CEP135: variants seen among roughly 807,000 people sequenced by gnomAD.
The protein encoded by CEP135 is centrosomal protein 135, also known as centrosomal protein of 135 kDa.
In CEP135, 142 loss-of-function variants were observed where a neutral mutation model predicts 157.3. The ratio of observed to expected loss-of-function variants is 0.90; its 90% CI spans 0.79 to 1.04. The LOEUF (loss-of-function observed/expected upper bound fraction) is 1.04. Among genes scored for constraint, CEP135 ranks in the 50% least tolerant of loss-of-function variants. The pLI is 0.00. For synonymous variants in CEP135, 396 were observed against 439.8 expected (o/e 0.90, Z 1.25); for missense variants, 1,317 against 1,309.2 (o/e 1.01, Z -0.09).
At chr4:55,954,677 T>G (rs1213827875) in intron 4 of CEP135, among the ~76,000 whole-genome samples, 2 of 152,182 alleles carry the variant, frequency 1.3e-5, no homozygotes, top group Non-Finnish European at 2.9e-5. Context: ...TTATTATCAT[T>G]ATTATTTTAG....
intron 17 of CEP135, among the ~76,000 whole-genome samples, chr4:56,006,345 C>G (rs1730345923): frequency 6.6e-6 from 1 of 152,168 alleles, no homozygotes; most frequent in Non-Finnish European, 1.5e-5. Flanking sequence ...CTTGCCTTTG[C>G]TTGATCCATT....
At chr4:56,012,741 A>G (rs971608612) in intron 21 of CEP135, among the ~76,000 whole-genome samples, 8 of 152,244 alleles carry the variant, frequency 5.3e-5, no homozygotes, top group African/African-American at 1.9e-4. Context: ...TTAAGGCTGA[A>G]TAACATTTCA....
At chr4:56,011,770 T>G (rs768353133) in intron 20 of CEP135, 30 bp from the exon 21 acceptor site, 1 of 1,533,564 alleles carries the variant, frequency 6.5e-7, no homozygotes, top group Non-Finnish European at 8.8e-7. Context: ...AATTACTAAT[T>G]TAGAAACAAT....
At chr4:56,024,641 A>C (rs1176895453) in intron 25 of CEP135, 27 bp downstream of exon 25, 1 of 1,413,410 alleles carries the variant, frequency 7.1e-7, no homozygotes, top group African/African-American at 1.4e-5. Context: ...AAGGACAGGC[A>C]AAACTAATCT....
intron 10 of CEP135, among the ~76,000 whole-genome samples, chr4:55,973,389 C>T (rs1225904604): frequency 6.6e-6 from 1 of 152,204 alleles, no homozygotes; most frequent in Non-Finnish European, 1.5e-5. Flanking sequence ...CATTTCCCAC[C>T]TTCATTCTGA....
chr4:55,999,671 C>T, intron 17 of CEP135, 26 bp downstream of exon 17: 1 of 1,574,946 alleles, frequency 6.3e-7, no homozygotes, highest in Non-Finnish European at 8.6e-7. Context: ...ATGTAATTTT[C>T]CAGCATCCAA....
chr4:55,961,392 C>CT (rs945782767), intron 6 of CEP135, among the ~76,000 whole-genome samples: 1 of 152,102 alleles, frequency 6.6e-6, no homozygotes, highest in African/African-American at 2.4e-5. Context: ...AGTTATTTGT[C>CT]TTTTTTTGCT....
At chr4:56,028,851 C>G (rs1334588309) in intron 25 of CEP135, among the ~76,000 whole-genome samples, 1 of 152,196 alleles carries the variant, frequency 6.6e-6, no homozygotes, top group Non-Finnish European at 1.5e-5. Context: ...TAACATTTAA[C>G]TCAATTCTGA....
chr4:56,001,068 A>G (rs1405981389), intron 17 of CEP135, among the ~76,000 whole-genome samples: 1 of 152,096 alleles, frequency 6.6e-6, no homozygotes, highest in Non-Finnish European at 1.5e-5. Context: ...AGAACTGTCT[A>G]TGAAAATCTT....
At chr4:55,953,364 T>A in intron 3 of CEP135, 89 bp downstream of exon 3, 2 of 1,019,568 alleles carry the variant, frequency 2.0e-6, no homozygotes, top group South Asian at 1.9e-5. Flanking sequence ...TTAAAACTAT[T>A]GATTAGAAAA....
chr4:56,003,032 T>C (rs575786756), intron 17 of CEP135, among the ~76,000 whole-genome samples: 28 of 152,298 alleles, frequency 1.8e-4, no homozygotes, highest in African/African-American at 6.3e-4. Context: ...TTGTCTTTCA[T>C]GATTCCTTGT....
intron 18 of CEP135, 31 bp from the exon 19 acceptor site, chr4:56,009,704 C>A (rs375605888): frequency 2.5e-6 from 4 of 1,572,260 alleles, no homozygotes; most frequent in Non-Finnish European, 3.4e-6. Context: ...TAAAAGTTTT[C>A]TTTATTAGTT....
In CEP135 at chr4:56,029,630, GTATATAGCC is replaced by G. The variant is rs143456482; in HGVS notation, c.*12-1727_*12-1719del. 6.4e-3 allele frequency among the ~76,000 whole-genome samples: 977 copies of G among 152,190 alleles called. 12 individuals carry two copies. The highest frequency in any genetic ancestry group is 0.023 in the African/African-American group (940 of 41,512). Reference sequence around the variant, plus strand: ...GTATGTACTTACACAAACCTAGATGGTATATAGCCTACTGCATACCCAGGCTATATGGTA... The same window carrying G: ...GTATGTACTTACACAAACCTAGATGGTACTGCATACCCAGGCTATATGGTA... On this transcript the variant is annotated intron_variant, in intron 25 of 25. Coordinates refer to ENST00000257287, the MANE Select transcript of CEP135 (RefSeq NM_025009.5).
intron 5 of CEP135, among the ~76,000 whole-genome samples, chr4:55,958,889 A>G (rs1289413725): frequency 1.3e-5 from 2 of 152,292 alleles, no homozygotes; most frequent in East Asian, 1.9e-4. Flanking sequence ...GTTCAAGACC[A>G]GCTTCGACAA....
intron 15 of CEP135, among the ~76,000 whole-genome samples, chr4:55,997,325 A>G (rs1232353165): frequency 6.6e-6 from 1 of 152,064 alleles, no homozygotes; most frequent in Non-Finnish European, 1.5e-5. Flanking sequence ...TTTAGGGCCC[A>G]CCTAAGGGCT....
intron 15 of CEP135, among the ~76,000 whole-genome samples, chr4:55,992,390 C>A (rs1489655305): frequency 6.6e-6 from 1 of 152,202 alleles, no homozygotes; most frequent in African/African-American, 2.4e-5. Flanking sequence ...TTAAATACTT[C>A]AGATCATTTG....
chr4:55,992,044 TG>T lies in CEP135; in HGVS notation c.1970del (p.Gly657ValfsTer10). On this transcript the variant is annotated frameshift_variant, in exon 15 of 26. Coordinates refer to ENST00000257287, the MANE Select transcript of CEP135 (RefSeq NM_025009.5). LOFTEE classifies it high-confidence loss of function. ...AAGCTCAAAAATTTAGCCATGTGGC[TG>T]GTGACTCATCTCATCAGAAAACAGA... ...VQAQKFSHVAGDSSHQKTEVN... is the reference protein window; with the variant it reads ...VQAQKFSHVAXDSSHQKTEVN... 1 of 1,608,104 alleles carries T rather than the reference TG, an allele frequency of 6.2e-7. No individual in the cohort carries two copies.
chr4:56,006,843 G>A (rs939965995), intron 17 of CEP135, among the ~76,000 whole-genome samples: 6 of 152,028 alleles, frequency 3.9e-5, no homozygotes, highest in African/African-American at 1.4e-4. Flanking sequence ...TGTCTTTGAA[G>A]GATTAGTTAT....
chr4:55,961,500 C>G (rs1012653650), intron 6 of CEP135, among the ~76,000 whole-genome samples: 1 of 152,004 alleles, frequency 6.6e-6, no homozygotes, highest in Non-Finnish European at 1.5e-5. Flanking sequence ...CACGGTGGCT[C>G]ACACCTGTAA....
Sources: allele counts gnomAD v4.1 joint callset (sites outside exome capture counted in the v4.1 genomes callset), GRCh38; gene constraint gnomAD v4.1.1; transcripts MANE v1.5; gene names NCBI Gene and HGNC (gene_info 2026-07-23, HGNC 2026-07-21).